Variants in LPAR1 observed in about 807,000 individuals in gnomAD.
LPAR1 encodes lysophosphatidic acid receptor 1.
A neutral mutation model predicts 23.8 loss-of-function variants in LPAR1; 5 were observed. That is an observed-to-expected ratio of 0.21 (90% confidence interval 0.11 to 0.44). The LOEUF is 0.44. Ranked by LOEUF, LPAR1 falls within the 20% of genes least tolerant of loss-of-function variation. The pLI is 0.99. For missense variants in LPAR1, 311 were observed against 482.8 expected, an observed-to-expected ratio of 0.64 and a Z score of 3.33; for synonymous variants, 160 against 164.7, an observed-to-expected ratio of 0.97 and a Z score of 0.22.
At chr9:110,945,691 C>T (rs373147245) in intron 4 of LPAR1, among the ~76,000 whole-genome samples, 2 of 152,242 alleles carry the variant, frequency 1.3e-5, no homozygotes, top group South Asian at 2.1e-4. Context: ...CTAAAATCAC[C>T]GGGAAGGCAA....
intron 2 of LPAR1, among the ~76,000 whole-genome samples, chr9:111,017,315 C>A (rs1220088915): frequency 1.3e-5 from 2 of 152,190 alleles, no homozygotes; most frequent in African/African-American, 4.8e-5. Context: ...TATAACATTG[C>A]ATTTATCACA....
intron 2 of LPAR1, among the ~76,000 whole-genome samples, chr9:111,008,429 T>A (rs1323207804): frequency 1.3e-5 from 2 of 151,810 alleles, no homozygotes; most frequent in Non-Finnish European, 2.9e-5. Context: ...AGAAATCAAC[T>A]CGGAAAAGAA....
chr9:110,942,225 C>T, intron 4 of LPAR1, 57 bp from the exon 5 acceptor site: 2 of 1,473,470 alleles, frequency 1.4e-6, no homozygotes, highest in Non-Finnish European at 1.8e-6. Context: ...AAATTTAAAG[C>T]TTATATAGAT....
At chr9:111,000,641 C>T (rs1305246524) in intron 2 of LPAR1, among the ~76,000 whole-genome samples, 1 of 152,174 alleles carries the variant, frequency 6.6e-6, no homozygotes, top group Non-Finnish European at 1.5e-5. Flanking sequence ...CAGGCAGGAA[C>T]CTGTGCAGCT....
intron 2 of LPAR1, among the ~76,000 whole-genome samples, chr9:111,025,629 T>C (rs1428816480): frequency 6.6e-6 from 1 of 152,350 alleles, no homozygotes; most frequent in South Asian, 2.1e-4. Context: ...CCCATGCCTG[T>C]GTCCTGAATG....
At chr9:110,959,930 T>C (rs542289278) in intron 4 of LPAR1, among the ~76,000 whole-genome samples, 6 of 152,134 alleles carry the variant, frequency 3.9e-5, no homozygotes, top group African/African-American at 1.4e-4. Context: ...ATGGGATCTA[T>C]GAACATAGGA....
intron 2 of LPAR1, among the ~76,000 whole-genome samples, chr9:111,029,759 A>G (rs371346283): frequency 9.7e-4 from 147 of 151,924 alleles, no homozygotes; most frequent in African/African-American, 3.3e-3. Flanking sequence ...TTTTAATTTT[A>G]GTGTCCTCAG....
At chr9:110,903,404 C>A (rs1313925810) in intron 5 of LPAR1, 2 of 151,938 alleles carry the variant, frequency 1.3e-5, no homozygotes, top group Non-Finnish European at 2.9e-5. Flanking sequence ...ATGGCCCCTG[C>A]ACAAGGGTGA....
chr9:110,974,631 A>G (rs2138444342), intron 2 of LPAR1, among the ~76,000 whole-genome samples: 1 of 152,336 alleles, frequency 6.6e-6, no homozygotes, highest in South Asian at 2.1e-4. Flanking sequence ...ATTCACAAAT[A>G]AGTAGTAAAG....
intron 5 of LPAR1, among the ~76,000 whole-genome samples, chr9:110,895,407 G>A (rs1419398965): frequency 6.6e-6 from 1 of 152,220 alleles, no homozygotes; most frequent in Non-Finnish European, 1.5e-5. Context: ...CACTAGGCTG[G>A]GTGGGCTGCA....
chr9:110,985,252 A>G (rs1450296300), intron 2 of LPAR1, among the ~76,000 whole-genome samples: 1 of 152,094 alleles, frequency 6.6e-6, no homozygotes, highest in Non-Finnish European at 1.5e-5. Context: ...CTCTGTGGCT[A>G]CTTTCCTCTC....
At chr9:110,961,979 G>T (rs1205428550) in intron 4 of LPAR1, among the ~76,000 whole-genome samples, 1 of 152,172 alleles carries the variant, frequency 6.6e-6, no homozygotes, top group Non-Finnish European at 1.5e-5. Context: ...TCATTTGAAA[G>T]AGTAAATACC....
At chr9:110,899,524 A>G (rs1007256956) in intron 5 of LPAR1, among the ~76,000 whole-genome samples, 1 of 152,206 alleles carries the variant, frequency 6.6e-6, no homozygotes, top group Non-Finnish European at 1.5e-5. Flanking sequence ...TGGGAACCGT[A>G]AGTGCAGGGA....
intron 5 of LPAR1, among the ~76,000 whole-genome samples, chr9:110,914,502 G>A (rs1012372140): frequency 2.6e-5 from 4 of 152,110 alleles, no homozygotes; most frequent in African/African-American, 9.7e-5. Flanking sequence ...CTCCCACCAG[G>A]TCCCTCCCAC....
intron 2 of LPAR1, among the ~76,000 whole-genome samples, chr9:111,019,348 T>C (rs1385213825): frequency 6.6e-6 from 1 of 152,138 alleles, no homozygotes. Flanking sequence ...CAGTATTTCA[T>C]ATAAAAACAA....
intron 4 of LPAR1, chr9:110,945,463 T>C (rs2095338521): frequency 6.6e-6 from 1 of 152,186 alleles, no homozygotes; most frequent in Non-Finnish European, 1.5e-5. Context: ...GATTAAATGA[T>C]GGGACATCTC....
At chr9:110,890,354 A>T (rs1316725496) in intron 5 of LPAR1, among the ~76,000 whole-genome samples, 2 of 152,242 alleles carry the variant, frequency 1.3e-5, no homozygotes, top group African/African-American at 4.8e-5. Context: ...GATGAAATTT[A>T]TCAAACCACT....
At chr9:111,031,401 A>AAG (rs1564391206) in intron 2 of LPAR1, among the ~76,000 whole-genome samples, 2 of 148,992 alleles carry the variant, frequency 1.3e-5, no homozygotes, top group Non-Finnish European at 3.0e-5. Flanking sequence ...TTTAAAAAAA[A>AAG]AAAAAGAAAA....
intron 2 of LPAR1, among the ~76,000 whole-genome samples, chr9:110,983,304 T>C (rs7867165): frequency 0.24 from 37,071 of 151,980 alleles, 4,558 homozygotes; most frequent in South Asian, 0.3. Flanking sequence ...AATTGGTATA[T>C]ACATACAATG....
Sources: allele counts gnomAD v4.1 joint callset (sites outside exome capture counted in the v4.1 genomes callset), GRCh38; gene constraint gnomAD v4.1.1; transcripts MANE v1.5; gene names NCBI Gene and HGNC (gene_info 2026-07-23, HGNC 2026-07-21).